B4GALT5: variants seen among roughly 807,000 people sequenced by gnomAD.
B4GALT5 encodes UDP-Gal:beta-GlcNAc beta-1,4-galactosyltransferase 5.
A neutral mutation model predicts 45.0 loss-of-function variants in B4GALT5; 11 were observed. The ratio of observed to expected loss-of-function variants is 0.24; its 90% CI spans 0.15 to 0.40. The LOEUF is 0.40. Ranked by LOEUF, B4GALT5 falls within the 10% of genes least tolerant of loss-of-function variation. The probability of loss-of-function intolerance (pLI) is 1.00; values close to 1 mark genes in which losing one functional copy is unlikely to be tolerated. For synonymous variants in B4GALT5, 185 were observed against 182.9 expected (o/e 1.01, Z -0.09); for missense variants, 337 against 500.2 (o/e 0.67, Z 3.11).
intron 1 of B4GALT5, among the ~76,000 whole-genome samples, chr20:49,712,921 A>AG (rs1336560814): frequency 2.0e-5 from 3 of 147,346 alleles, no homozygotes; most frequent in African/African-American, 5.1e-5. Context: ...TGTAAGGGGA[A>AG]GGGGGGTGCC....
intron 1 of B4GALT5, among the ~76,000 whole-genome samples, chr20:49,713,339 G>A (rs1194766209): frequency 1.3e-5 from 2 of 149,532 alleles, no homozygotes; most frequent in Non-Finnish European, 3.0e-5. Context: ...CGAGGGTGGC[G>A]TTAGGAGGGG....
chr20:49,699,861 A>T (rs1285707851), intron 1 of B4GALT5, among the ~76,000 whole-genome samples: 1 of 152,180 alleles, frequency 6.6e-6, no homozygotes, highest in Non-Finnish European at 1.5e-5. Flanking sequence ...AGGACAAAGG[A>T]CAGAACTTAA....
intron 2 of B4GALT5, among the ~76,000 whole-genome samples, chr20:49,652,913 G>A (rs1886073687): frequency 6.6e-6 from 1 of 152,256 alleles, no homozygotes; most frequent in Non-Finnish European, 1.5e-5. Context: ...CCAGGCAGAA[G>A]TGGTCGGGCC....
chr20:49,650,315 A>G (rs2085616436), intron 2 of B4GALT5, among the ~76,000 whole-genome samples: 1 of 152,114 alleles, frequency 6.6e-6, no homozygotes, highest in South Asian at 2.1e-4. Flanking sequence ...GGGGTGGCTT[A>G]ATTTCCTGAT....
intron 7 of B4GALT5, 112 bp from the exon 8 acceptor site, chr20:49,637,554 C>T (rs1043509858): frequency 1.2e-5 from 9 of 738,098 alleles, no homozygotes; most frequent in Non-Finnish European, 1.7e-5. Context: ...ACAGCAAAAG[C>T]TCTCACCCGC....
chr20:49,678,950 T>C (rs1008753306), intron 1 of B4GALT5, among the ~76,000 whole-genome samples: 1 of 152,060 alleles, frequency 6.6e-6, no homozygotes, highest in African/African-American at 2.4e-5. Context: ...CCCTCCATTC[T>C]CCTAATTACA....
chr20:49,659,553 C>T (rs996459074), intron 1 of B4GALT5, among the ~76,000 whole-genome samples: 1 of 151,794 alleles, frequency 6.6e-6, no homozygotes, highest in Non-Finnish European at 1.5e-5. Flanking sequence ...TTCTAATTAT[C>T]GAAAGGAACT....
intron 1 of B4GALT5, among the ~76,000 whole-genome samples, chr20:49,677,173 A>C (rs1453874983): frequency 1.6e-4 from 24 of 152,162 alleles, no homozygotes; most frequent in Admixed American, 1.5e-3. Flanking sequence ...AACCACCGGG[A>C]AACACAGTTG....
chr20:49,684,766 C>T (rs1008522940), intron 1 of B4GALT5, among the ~76,000 whole-genome samples: 6 of 152,226 alleles, frequency 3.9e-5, no homozygotes, highest in Middle Eastern at 3.4e-3. Flanking sequence ...AGGTGGCATG[C>T]GGTAGGATTA....
chr20:49,656,520 C>T (rs1034097739), intron 2 of B4GALT5, 48 bp downstream of exon 2: 14 of 1,607,276 alleles, frequency 8.7e-6, no homozygotes, highest in Non-Finnish European at 1.2e-5. Context: ...ATTTACCTCT[C>T]TTGGGAGGAG....
chr20:49,687,328 A>G (rs2085790408), intron 1 of B4GALT5, among the ~76,000 whole-genome samples: 1 of 152,244 alleles, frequency 6.6e-6, no homozygotes, highest in Non-Finnish European at 1.5e-5. Context: ...CGTTAAGTTT[A>G]TATTTGCTGG....
intron 1 of B4GALT5, among the ~76,000 whole-genome samples, chr20:49,687,400 C>CT (rs200957813): frequency 1.5e-4 from 23 of 152,166 alleles, no homozygotes; most frequent in Admixed American, 1.3e-3. Context: ...AATCCCAGCA[C>CT]TTTGAGAGGC....
chr20:49,647,116 T>C lies in B4GALT5; in HGVS notation c.251-38A>G, dbSNP rs2085602471. ...AGGAAAAAAGTCGATCAGACTGGTA[T>C]GTGTGATCAACCGTGCAATTATCAG... On this transcript the variant is annotated intron_variant, in intron 2 of 8. Coordinates refer to ENST00000371711, the MANE Select transcript of B4GALT5 (RefSeq NM_004776.4). The C allele has an allele frequency of 4.6e-6, 6 of 1,306,020 alleles. No homozygotes were observed. In the East Asian group the frequency reaches 9.3e-5, roughly 20 times the overall value. The allele number at this position is 1,306,020 out of a possible 1,614,324, so 80.9% of individuals were successfully genotyped here.
intron 1 of B4GALT5, among the ~76,000 whole-genome samples, chr20:49,686,740 A>AG (rs1023584596): frequency 1.3e-5 from 2 of 150,076 alleles, no homozygotes; most frequent in African/African-American, 2.4e-5. Context: ...AAAAAAAAAA[A>AG]AAAAAAAAAA....
At chr20:49,706,856 A>G (rs984471653) in intron 1 of B4GALT5, among the ~76,000 whole-genome samples, 7 of 152,192 alleles carry the variant, frequency 4.6e-5, no homozygotes, top group Non-Finnish European at 7.3e-5. Context: ...TTATGTGATT[A>G]GATGTGCCGA....
At chr20:49,688,511 C>T (rs72626556) in intron 1 of B4GALT5, among the ~76,000 whole-genome samples, 2,440 of 152,238 alleles carry the variant, frequency 0.016, 40 homozygotes, top group East Asian at 0.083. Context: ...ATGGAATCAG[C>T]CCCCATTCTA....
At chr20:49,641,971 C>T (rs1317252671) in intron 5 of B4GALT5, among the ~76,000 whole-genome samples, 9 of 152,036 alleles carry the variant, frequency 5.9e-5, no homozygotes, top group Non-Finnish European at 4.4e-5. Flanking sequence ...ATTTGCCATG[C>T]GGTCTTCTTC....
intron 5 of B4GALT5, among the ~76,000 whole-genome samples, chr20:49,641,381 C>T (rs2085576582): frequency 6.6e-6 from 1 of 152,104 alleles, no homozygotes. Flanking sequence ...TTAGTTTTGT[C>T]TTGTTTTATT....
chr20:49,686,907 A>G (rs74394171), intron 1 of B4GALT5, among the ~76,000 whole-genome samples: 24 of 149,626 alleles, frequency 1.6e-4, no homozygotes, highest in Admixed American at 1.3e-4. Flanking sequence ...TTTACCAAAG[A>G]AAAAAAAAAG....
Sources: gnomAD v4.1 joint callset for allele counts (sites outside exome capture counted in the v4.1 genomes callset) on GRCh38, gnomAD v4.1.1 for gene constraint, MANE v1.5 for transcripts, NCBI Gene and HGNC (gene_info 2026-07-23, HGNC 2026-07-21) for gene names.